DMXL1: variants seen among roughly 807,000 people sequenced by gnomAD.
The protein encoded by DMXL1 is Dmx like 1, also known as dmX-like protein 1.
DMXL1 carries 99 observed loss-of-function variants against 319.2 expected under a neutral mutation model. The observed-to-expected ratio is 0.31, with a 90% CI of 0.26 to 0.37. The LOEUF (loss-of-function observed/expected upper bound fraction) is 0.37, where lower values mean the gene tolerates loss of function less well. Ranked by LOEUF, DMXL1 falls within the 10% of genes least tolerant of loss-of-function variation. The pLI is 1.00. For synonymous variants in DMXL1, 1,385 were observed against 1,235.2 expected (o/e 1.12, Z -2.54); for missense variants, 3,745 against 3,595.6 (o/e 1.04, Z -1.06).
At position 119,244,345 on chromosome 5, in the gene DMXL1, TAA is replaced by T. The variant is rs1581524665; in HGVS notation, c.8705-13_8705-12del. Reference sequence around the variant, plus strand: ...TTGTTAAGTGTTTTTGTTTTTTTTTTAATTTACTTTCAGCATTTACCTGCCAT... The same window carrying T: ...TTGTTAAGTGTTTTTGTTTTTTTTTTTTTACTTTCAGCATTTACCTGCCAT... On this transcript the variant is annotated splice_polypyrimidine_tract_variant and intron_variant, in intron 42 of 43. Coordinates refer to ENST00000539542, the MANE Select transcript of DMXL1 (RefSeq NM_001290321.3). 1.9e-6 allele frequency: 3 copies of T among 1,583,716 alleles called. No homozygotes were observed. The highest frequency in any genetic ancestry group is 2.7e-5 in the African/African-American group (2 of 73,196).
chr5:119,075,986 T>A (rs894263367), intron 1 of DMXL1, among the ~76,000 whole-genome samples: 1 of 152,224 alleles, frequency 6.6e-6, no homozygotes. Flanking sequence ...ATTGATATGA[T>A]ACTTTTTTTT....
At chr5:119,237,976 T>A (rs1788067694) in intron 40 of DMXL1, among the ~76,000 whole-genome samples, 1 of 152,064 alleles carries the variant, frequency 6.6e-6, no homozygotes, top group African/African-American at 2.4e-5. Flanking sequence ...AGAATATAGG[T>A]TAAGATTCTG....
At chr5:119,118,690 C>A in intron 7 of DMXL1, 125 bp from the exon 8 acceptor site, 1 of 692,536 alleles carries the variant, frequency 1.4e-6, no homozygotes, top group Non-Finnish European at 2.4e-6. Context: ...GAAATCTGTA[C>A]ATATTGATAT....
intron 32 of DMXL1, among the ~76,000 whole-genome samples, chr5:119,202,464 C>T (rs1561864187): frequency 6.6e-6 from 1 of 152,146 alleles, no homozygotes; most frequent in African/African-American, 2.4e-5. Flanking sequence ...ATCTGAAATG[C>T]TCCAAAATTC....
At chr5:119,224,637 G>T in intron 37 of DMXL1, 72 bp from the exon 38 acceptor site, 2 of 552,688 alleles carry the variant, frequency 3.6e-6, no homozygotes, top group Non-Finnish European at 6.2e-6. Context: ...AATGTTATTT[G>T]AATTTCCTGT....
At chr5:119,122,695 A>G (rs967283060) in intron 9 of DMXL1, among the ~76,000 whole-genome samples, 3 of 140,526 alleles carry the variant, frequency 2.1e-5, no homozygotes, top group African/African-American at 8.0e-5. Context: ...CGCTCCTCAC[A>G]TCCCAGACGG....
At chr5:119,116,863 A>AC (rs1286394866) in intron 7 of DMXL1, among the ~76,000 whole-genome samples, 1 of 152,082 alleles carries the variant, frequency 6.6e-6, no homozygotes, top group African/African-American at 2.4e-5. Context: ...TATAAGTTTA[A>AC]CCACAAAAGC....
chr5:119,205,416 C>G (rs751679009), intron 33 of DMXL1, among the ~76,000 whole-genome samples: 8 of 152,066 alleles, frequency 5.3e-5, no homozygotes, highest in African/African-American at 1.9e-4. Context: ...TTCATGATAT[C>G]TCAAGAAAAT....
Position 119,189,731 on chromosome 5 carries a change from G to A in DMXL1, c.7159G>A (p.Glu2387Lys). ...AGTTTCTTCACTAGTTGAAGAAGGA[G>A]AAAAACAGAACAAACGTTTTAGGCC... The part of the protein sequence containing the change: ...LPVSSLVEEG[E>K]KQNKRFRPSK... The change falls in exon 29 of 44, where the codon GAA (glutamate) becomes AAA (lysine). Residue 2387 changes from glutamate (E) to lysine (K), a missense_variant. Transcript: ENST00000539542. The A allele has an allele frequency of 6.2e-7, 1 of 1,613,916 alleles. No homozygotes were observed. The highest frequency in any genetic ancestry group is 8.5e-7 in the Non-Finnish European group (1 of 1,179,914).
chr5:119,193,488 C>T (rs188696921), intron 29 of DMXL1, among the ~76,000 whole-genome samples: 1 of 152,242 alleles, frequency 6.6e-6, no homozygotes, highest in Admixed American at 6.5e-5. Flanking sequence ...CTTTGTAGCA[C>T]ATAATACAGT....
intron 1 of DMXL1, among the ~76,000 whole-genome samples, chr5:119,092,818 C>T (rs1755085322): frequency 6.6e-6 from 1 of 152,156 alleles, no homozygotes; most frequent in Non-Finnish European, 1.5e-5. Context: ...CATCCATGTT[C>T]TAGCATTTAC....
chr5:119,222,099 G>C (rs1784745910), intron 37 of DMXL1, among the ~76,000 whole-genome samples: 1 of 152,036 alleles, frequency 6.6e-6, no homozygotes, highest in Admixed American at 6.6e-5. Flanking sequence ...AGTAAAATCT[G>C]AGTTATCTTT....
chr5:119,144,461 T>G lies in DMXL1; in HGVS notation c.2467-75T>G. 5 of 1,049,770 alleles carry G rather than the reference T, an allele frequency of 4.8e-6. No individual in the cohort carries two copies. The East Asian group carries it at 1.3e-4, about 26-fold the overall frequency. 65.0% of individuals were successfully genotyped at this position (1,049,770 alleles called of 1,614,324 possible). A position where few individuals can be genotyped will look rare whatever the true frequency, so the allele number is the denominator to read the frequency against. ...TGCCTTTAAATATCTCATTATGAAGTATTATTTTTCTGGCTATTTAGCATT... is the reference window on the plus strand; with the variant it reads ...TGCCTTTAAATATCTCATTATGAAGGATTATTTTTCTGGCTATTTAGCATT... On this transcript the variant is annotated intron_variant, in intron 14 of 43. Transcript: ENST00000539542.
intron 19 of DMXL1, among the ~76,000 whole-genome samples, chr5:119,158,055 G>T (rs915889525): frequency 1.2e-4 from 18 of 151,612 alleles, no homozygotes; most frequent in African/African-American, 4.4e-4. Flanking sequence ...TTATCTCCTT[G>T]GTTAAATTTT....
chr5:119,165,087 A>T, intron 20 of DMXL1, 96 bp from the exon 21 acceptor site: 1 of 707,836 alleles, frequency 1.4e-6, no homozygotes, highest in Non-Finnish European at 2.4e-6. Flanking sequence ...AAATTTTATT[A>T]AACATTCAAT....
chr5:119,099,917 C>G (rs1296669196), intron 2 of DMXL1, among the ~76,000 whole-genome samples: 1 of 152,132 alleles, frequency 6.6e-6, no homozygotes, highest in African/African-American at 2.4e-5. Context: ...GGGAGAATCA[C>G]TTGAGCCCAG....
chr5:119,195,062 CA>C (rs746257473), intron 30 of DMXL1, among the ~76,000 whole-genome samples: 9 of 139,414 alleles, frequency 6.5e-5, no homozygotes, highest in East Asian at 2.0e-4. Flanking sequence ...GGATGGCTAC[CA>C]AAAAAAAAAC....
intron 4 of DMXL1, among the ~76,000 whole-genome samples, chr5:119,106,050 G>A (rs995563282): frequency 2.0e-5 from 3 of 152,104 alleles, no homozygotes; most frequent in African/African-American, 7.2e-5. Context: ...TGTGGGAATG[G>A]CTTGTCTATT....
At chr5:119,139,192 A>C (rs1766711863) in intron 13 of DMXL1, among the ~76,000 whole-genome samples, 1 of 152,204 alleles carries the variant, frequency 6.6e-6, no homozygotes, top group African/African-American at 2.4e-5. Flanking sequence ...TTAAATATAC[A>C]CAGACCAGTA....
Sources: allele counts gnomAD v4.1 joint callset (sites outside exome capture counted in the v4.1 genomes callset), GRCh38; gene constraint gnomAD v4.1.1; transcripts MANE v1.5; gene names NCBI Gene and HGNC (gene_info 2026-07-23, HGNC 2026-07-21).